EXOC6: variants seen among roughly 807,000 people sequenced by gnomAD.
EXOC6 encodes the protein exocyst complex component 6.
Under a neutral mutation model 112.5 loss-of-function variants are expected in EXOC6, and 60 were observed. The observed-to-expected ratio is 0.53, with a 90% CI of 0.43 to 0.66. EXOC6 has a LOEUF of 0.66. Ranked by LOEUF, EXOC6 falls within the 30% of genes least tolerant of loss-of-function variation. The probability of loss-of-function intolerance (pLI) is 0.00; values close to 1 mark genes in which losing one functional copy is unlikely to be tolerated. For missense variants in EXOC6, 855 were observed against 957.1 expected, an observed-to-expected ratio of 0.89 and a Z score of 1.41; for synonymous variants, 295 against 308.0, an observed-to-expected ratio of 0.96 and a Z score of 0.44.
intron 15 of EXOC6, among the ~76,000 whole-genome samples, chr10:92,952,817 T>A (rs1227282585): frequency 6.6e-6 from 1 of 152,208 alleles, no homozygotes; most frequent in Non-Finnish European, 1.5e-5. Context: ...CCATGGTGTT[T>A]ATATACCACA....
intron 19 of EXOC6, among the ~76,000 whole-genome samples, chr10:93,005,154 A>G (rs542189630): frequency 1.1e-4 from 17 of 152,330 alleles, no homozygotes; most frequent in African/African-American, 3.1e-4. Context: ...TAAACTTTGT[A>G]AAAGTATATG....
chr10:92,831,424 T>C, upstream of EXOC6: 5 of 887,954 alleles, frequency 5.6e-6, no homozygotes, highest in Non-Finnish European at 6.1e-6. Context: ...CTATACTATA[T>C]TCTATTTTTT....
At position 92,999,522 on chromosome 10, in the gene EXOC6, G is replaced by A. The variant is rs116033461; in HGVS notation, c.2095+1907G>A. Reference sequence around the variant, plus strand: ...TATAAGCATTGCTCAAGACATTTTCGTGTTACAGTAGTCCCTCTTATCCAC... The same window carrying A: ...TATAAGCATTGCTCAAGACATTTTCATGTTACAGTAGTCCCTCTTATCCAC... On this transcript the variant is annotated intron_variant, in intron 19 of 21. Transcript: ENST00000260762. The A allele has an allele frequency of 2.2e-3, 500 of 224,908 alleles. 2 individuals carry two copies. The highest frequency in any genetic ancestry group is 0.02 in the Middle Eastern group (17 of 870). 13.9% of individuals were successfully genotyped at this position (224,908 alleles called of 1,614,324 possible). A position where few individuals can be genotyped will look rare whatever the true frequency, so the allele number is the denominator to read the frequency against.
At chr10:92,882,902 C>A in intron 1 of EXOC6, among the ~76,000 whole-genome samples, 1 of 152,034 alleles carries the variant, frequency 6.6e-6, no homozygotes, top group Middle Eastern at 3.4e-3. Flanking sequence ...TTACTAGAAA[C>A]AACATGGTCA....
intron 20 of EXOC6, among the ~76,000 whole-genome samples, chr10:93,041,598 G>C (rs892829241): frequency 2.0e-5 from 3 of 152,008 alleles, no homozygotes; most frequent in Admixed American, 2.0e-4. Flanking sequence ...ATTTTTAATA[G>C]AGACAGGGTC....
chr10:92,851,381 C>T (rs1478160724), intron 1 of EXOC6, among the ~76,000 whole-genome samples: 2 of 152,164 alleles, frequency 1.3e-5, no homozygotes, highest in African/African-American at 4.8e-5. Flanking sequence ...CGCGGTGGCT[C>T]ACGCCTGTAA....
chr10:92,996,085 G>T (rs182249579), intron 18 of EXOC6, among the ~76,000 whole-genome samples: 129 of 152,138 alleles, frequency 8.5e-4, no homozygotes, highest in Admixed American at 5.9e-3. Flanking sequence ...TAGCTTTCTG[G>T]CCTTTGAGAT....
rs182781964 is a variant in EXOC6, at chr10:92,915,301, G to A, written c.664-457G>A. Among the ~76,000 whole-genome samples, 189 of 152,200 alleles carry A rather than the reference G, an allele frequency of 1.2e-3. 1 individual carries two copies. Among genetic ancestry groups the A allele is most frequent in the Middle Eastern group, 3.4e-3 (1 of 294 alleles). On this transcript the variant is annotated intron_variant, in intron 6 of 21. Transcript: ENST00000260762. ...TCACACCTGTAATCCTAGCACTCTG[G>A]GAGGCTGGGGCAGGCGGATTGCTTG...
chr10:93,025,561 TTTAC>T (rs1378441090), intron 20 of EXOC6, among the ~76,000 whole-genome samples: 2 of 152,210 alleles, frequency 1.3e-5, no homozygotes, highest in African/African-American at 4.8e-5. Context: ...ACAATAATAA[TTTAC>T]TTAACCCATT....
intron 17 of EXOC6, among the ~76,000 whole-genome samples, chr10:92,961,944 A>G (rs1854026740): frequency 6.6e-6 from 1 of 152,158 alleles, no homozygotes; most frequent in African/African-American, 2.4e-5. Context: ...TGAAAACTAG[A>G]AAGGTAAAAA....
At chr10:92,911,028 CATG>C (rs1281415452) in intron 6 of EXOC6, among the ~76,000 whole-genome samples, 2 of 59,378 alleles carry the variant, frequency 3.4e-5, no homozygotes, top group African/African-American at 6.8e-5. Context: ...GATGGGAGTT[CATG>C]ATATTAATCT....
intron 1 of EXOC6, among the ~76,000 whole-genome samples, chr10:92,859,811 G>A (rs1021244788): frequency 7.2e-6 from 1 of 138,518 alleles, no homozygotes; most frequent in Non-Finnish European, 1.5e-5. Context: ...GTGTGTGCAC[G>A]TTTGTGTGCA....
chr10:92,955,865 A>T (rs1589907865), intron 17 of EXOC6, 151 bp downstream of exon 17: 2 of 682,416 alleles, frequency 2.9e-6, no homozygotes, highest in South Asian at 4.8e-5. Context: ...AGTAAATGTC[A>T]GTTTCTTTTT....
rs1447675052 is a variant in EXOC6 at position 92,944,057 on chromosome 10, CTTG to C, written c.1310+3240_1310+3242del. Among the ~76,000 whole-genome samples, 33 of 152,066 alleles carry C rather than the reference CTTG, an allele frequency of 2.2e-4. 1 individual carries two copies. The highest frequency in any genetic ancestry group is 2.4e-5 in the African/African-American group (1 of 41,402). On this transcript the variant is annotated intron_variant, in intron 13 of 21. Coordinates refer to ENST00000260762, the MANE Select transcript of EXOC6 (RefSeq NM_019053.6). ...TAGCATAATGTCCTCAAGGTTCATCCTTGTTGTTGCAAATGACAGAATTTCCCT... is the reference window on the plus strand; with the variant it reads ...TAGCATAATGTCCTCAAGGTTCATCCTTGTTGCAAATGACAGAATTTCCCT...
intron 18 of EXOC6, among the ~76,000 whole-genome samples, chr10:92,995,271 G>A (rs970958730): frequency 6.6e-6 from 1 of 151,996 alleles, no homozygotes; most frequent in Non-Finnish European, 1.5e-5. Context: ...GGAATAGCCT[G>A]TGTCTACTCT....
At chr10:92,916,523 AAAAC>A (rs976842514) in intron 7 of EXOC6, among the ~76,000 whole-genome samples, 29 of 152,180 alleles carry the variant, frequency 1.9e-4, no homozygotes, top group Non-Finnish European at 2.4e-4. Context: ...AAGAAGAAAA[AAAAC>A]AAACAACTAT....
At chr10:93,040,254 C>G (rs1340953780) in intron 20 of EXOC6, among the ~76,000 whole-genome samples, 3 of 152,008 alleles carry the variant, frequency 2.0e-5, no homozygotes, top group African/African-American at 7.2e-5. Flanking sequence ...CTGCTTTATC[C>G]TTTTCTTTTT....
intron 1 of EXOC6, among the ~76,000 whole-genome samples, chr10:92,840,548 T>C (rs1272096666): frequency 1.3e-5 from 2 of 152,212 alleles, no homozygotes; most frequent in Non-Finnish European, 2.9e-5. Flanking sequence ...AGTCCTGAAG[T>C]AAACAATCAT....
chr10:92,860,430 AT>A (rs1378906349), intron 1 of EXOC6, among the ~76,000 whole-genome samples: 1 of 151,692 alleles, frequency 6.6e-6, no homozygotes, highest in African/African-American at 2.4e-5. Context: ...TGCCCACCTA[AT>A]TTTTGTATTT....
Sources: gnomAD v4.1 joint callset for allele counts (sites outside exome capture counted in the v4.1 genomes callset) on GRCh38, gnomAD v4.1.1 for gene constraint, MANE v1.5 for transcripts, NCBI Gene and HGNC (gene_info 2026-07-23, HGNC 2026-07-21) for gene names.